Variants in CSMD1 observed in about 807,000 individuals in gnomAD.
The protein encoded by CSMD1 is CUB and sushi domain-containing protein 1.
Under a neutral mutation model 417.5 loss-of-function variants are expected in CSMD1, and 213 were observed. The ratio of observed to expected loss-of-function variants is 0.51; its 90% CI spans 0.46 to 0.57. The LOEUF (loss-of-function observed/expected upper bound fraction) is 0.57, where lower values mean the gene tolerates loss of function less well. CSMD1 is among the 20% of genes least tolerant of loss of function. CSMD1 has a pLI of 0.00. For missense variants in CSMD1, 6,923 were observed against 4,529.7 expected (o/e 1.53, Z -15.17); for synonymous variants, 2,862 against 1,736.8 (o/e 1.65, Z -16.11).
chr8:4,032,656 T>TA (rs1175194593), intron 3 of CSMD1, among the ~76,000 whole-genome samples: 27 of 152,152 alleles, frequency 1.8e-4, no homozygotes, highest in Admixed American at 1.1e-3. Context: ...CATCAATGTA[T>TA]AAAAAAATGT....
intron 1 of CSMD1, among the ~76,000 whole-genome samples, chr8:4,717,945 T>C (rs1038375587): frequency 1.3e-5 from 2 of 152,154 alleles, no homozygotes; most frequent in Non-Finnish European, 2.9e-5. Flanking sequence ...TGGCAAACAA[T>C]AGTAAAGTTT....
chr8:3,394,405 T>C (rs944358852), intron 17 of CSMD1, among the ~76,000 whole-genome samples: 1 of 151,854 alleles, frequency 6.6e-6, no homozygotes, highest in Non-Finnish European at 1.5e-5. Context: ...TTTATTTAAA[T>C]GACTTGGATA....
At chr8:2,969,576 C>G (rs1665680545) in intron 57 of CSMD1, among the ~76,000 whole-genome samples, 1 of 152,140 alleles carries the variant, frequency 6.6e-6, no homozygotes, top group South Asian at 2.1e-4. Context: ...CAGTATCTAA[C>G]TTTTTGACAG....
At chr8:3,535,655 C>A (rs573821180) in intron 10 of CSMD1, among the ~76,000 whole-genome samples, 1 of 152,186 alleles carries the variant, frequency 6.6e-6, no homozygotes. Flanking sequence ...TCTGTCTTAA[C>A]CACTACAAAA....
chr8:4,750,198 A>G (rs13250244), intron 1 of CSMD1, among the ~76,000 whole-genome samples: 116,399 of 151,530 alleles, frequency 0.77, 44,848 homozygotes, highest in Admixed American at 0.81. Context: ...TAGTAGAGAC[A>G]GGGTTTCACC....
chr8:3,398,374 G>C (rs934785510), intron 16 of CSMD1, among the ~76,000 whole-genome samples: 1 of 152,272 alleles, frequency 6.6e-6, no homozygotes, highest in Admixed American at 6.5e-5. Context: ...CTTGTTCTAA[G>C]AGATTGTGCT....
chr8:4,935,908 G>T lies in CSMD1; in HGVS notation c.85+58424C>A, dbSNP rs1185086308. On this transcript the variant is annotated intron_variant, in intron 1 of 69. Coordinates refer to ENST00000635120, the MANE Select transcript of CSMD1 (RefSeq NM_033225.6). ...TTCTGGGCTGTCTTCCTCCCCAGCAGGATGCTCCTGGATGCCACGCTGCCG... is the reference window on the plus strand; with the variant it reads ...TTCTGGGCTGTCTTCCTCCCCAGCATGATGCTCCTGGATGCCACGCTGCCG... 3.3e-5 allele frequency among the ~76,000 whole-genome samples: 5 copies of T among 152,178 alleles called. No homozygotes were observed. In the East Asian group the frequency reaches 9.6e-4, roughly 29 times the overall value.
At chr8:3,287,001 T>A (rs1803211226) in intron 25 of CSMD1, among the ~76,000 whole-genome samples, 1 of 152,162 alleles carries the variant, frequency 6.6e-6, no homozygotes, top group Non-Finnish European at 1.5e-5. Context: ...AATTTTTGTA[T>A]AAGGTGTAAG....
At chr8:2,968,707 T>C (rs968135807) in intron 57 of CSMD1, among the ~76,000 whole-genome samples, 4 of 151,950 alleles carry the variant, frequency 2.6e-5, no homozygotes, top group South Asian at 2.1e-4. Flanking sequence ...AAGACAGGAC[T>C]AAGACTAAAA....
intron 1 of CSMD1, among the ~76,000 whole-genome samples, chr8:4,839,345 C>T (rs974229856): frequency 2.0e-5 from 3 of 152,186 alleles, no homozygotes; most frequent in Admixed American, 1.3e-4. Flanking sequence ...TGAATGCATA[C>T]AACCAAGCAA....
intron 22 of CSMD1, among the ~76,000 whole-genome samples, chr8:3,345,507 G>C (rs1007848213): frequency 3.3e-5 from 5 of 152,272 alleles, no homozygotes; most frequent in Non-Finnish European, 7.3e-5. Context: ...AACCCAGATA[G>C]GAGTGGAAGT....
At chr8:3,166,821 AT>A (rs1820250013) in intron 37 of CSMD1, among the ~76,000 whole-genome samples, 1 of 152,230 alleles carries the variant, frequency 6.6e-6, no homozygotes, top group Admixed American at 6.5e-5. Context: ...TGATAGGAAA[AT>A]TCTAGATTAA....
intron 1 of CSMD1, among the ~76,000 whole-genome samples, chr8:4,665,444 A>T (rs1219782745): frequency 6.6e-6 from 1 of 152,188 alleles, no homozygotes; most frequent in Non-Finnish European, 1.5e-5. Context: ...ACCATGAGAG[A>T]TTCAAACTCC....
chr8:4,046,108 T>C (rs1039301931), intron 3 of CSMD1, among the ~76,000 whole-genome samples: 9 of 152,156 alleles, frequency 5.9e-5, no homozygotes, highest in Non-Finnish European at 1.2e-4. Context: ...AATAATGTAT[T>C]CTATAGCTCA....
chr8:4,933,294 C>T (rs933095186), intron 1 of CSMD1, among the ~76,000 whole-genome samples: 2 of 152,278 alleles, frequency 1.3e-5, no homozygotes, highest in African/African-American at 4.8e-5. Context: ...CTCAGAGGAG[C>T]ACAACCTGTC....
At chr8:4,203,959 G>C (rs371214857) in intron 3 of CSMD1, among the ~76,000 whole-genome samples, 2 of 152,008 alleles carry the variant, frequency 1.3e-5, no homozygotes, top group African/African-American at 4.8e-5. Context: ...AAATTAGCCA[G>C]GTGTGGTGGT....
At chr8:4,592,867 A>AT (rs1216261402) in intron 2 of CSMD1, among the ~76,000 whole-genome samples, 1 of 151,912 alleles carries the variant, frequency 6.6e-6, no homozygotes, top group Non-Finnish European at 1.5e-5. Flanking sequence ...ATATTTATTG[A>AT]TTTTTTCATT....
chr8:4,079,238 T>G lies in CSMD1; in HGVS notation c.416-47139A>C, dbSNP rs939870686. Among the ~76,000 whole-genome samples, 3 of 152,054 alleles carry G rather than the reference T, an allele frequency of 2.0e-5. No homozygotes were observed. The South Asian group carries it at 6.2e-4, about 32-fold the overall frequency. Reference sequence around the variant, plus strand: ...GTTTGGTGGGAAACAACTGAATGAGTAGATATAGCCCATGGAGAATAAAGT... The same window carrying G: ...GTTTGGTGGGAAACAACTGAATGAGGAGATATAGCCCATGGAGAATAAAGT... On this transcript the variant is annotated intron_variant, in intron 3 of 69. Transcript: ENST00000635120.
chr8:3,198,495 G>A (rs1474415927), intron 33 of CSMD1, among the ~76,000 whole-genome samples: 1 of 152,112 alleles, frequency 6.6e-6, no homozygotes, highest in Non-Finnish European at 1.5e-5. Context: ...TTTAATAAAA[G>A]GTGTAACTTA....
Sources: gnomAD v4.1 joint callset for allele counts (sites outside exome capture counted in the v4.1 genomes callset) on GRCh38, gnomAD v4.1.1 for gene constraint, MANE v1.5 for transcripts, NCBI Gene and HGNC (gene_info 2026-07-23, HGNC 2026-07-21) for gene names.